CNBD1: variants seen among roughly 807,000 people sequenced by gnomAD.
CNBD1 encodes the protein cyclic nucleotide-binding domain-containing protein 1.
CNBD1 carries 71 observed loss-of-function variants against 54.4 expected under a neutral mutation model. That is an observed-to-expected ratio of 1.30 (90% CI 1.08 to 1.59). The LOEUF (loss-of-function observed/expected upper bound fraction) is 1.59, where lower values mean the gene tolerates loss of function less well. Among genes scored for constraint, CNBD1 ranks in the 40% most tolerant of loss-of-function variants. The pLI, the probability that CNBD1 is intolerant of heterozygous loss-of-function variation, is 0.00. For synonymous variants in CNBD1, 182 were observed against 170.7 expected (o/e 1.07, Z -0.51); for missense variants, 659 against 518.0 (o/e 1.27, Z -2.64).
chr8:87,312,031 C>T (rs888686526), intron 8 of CNBD1, among the ~76,000 whole-genome samples: 1 of 151,834 alleles, frequency 6.6e-6, no homozygotes, highest in Non-Finnish European at 1.5e-5. Context: ...TCAATTGTAC[C>T]CCAAACCACA....
chr8:87,283,324 T>G (rs1311947132), intron 6 of CNBD1, among the ~76,000 whole-genome samples: 1 of 152,094 alleles, frequency 6.6e-6, no homozygotes, highest in African/African-American at 2.4e-5. Context: ...TCTTTTAGGT[T>G]GTTCAATTTT....
intron 4 of CNBD1, among the ~76,000 whole-genome samples, chr8:87,106,916 A>G (rs568814928): frequency 6.7e-6 from 1 of 148,278 alleles, no homozygotes; most frequent in East Asian, 2.0e-4. Context: ...TGCAACCTCC[A>G]CCTCCCAAGT....
rs151209018 is a variant in CNBD1 at position 86,959,858 on chromosome 8, C to T, written c.431+20104C>T. On this transcript the variant is annotated intron_variant, in intron 4 of 10. Transcript: ENST00000518476. The stretch of plus-strand genomic sequence containing the variant: ...CATCTGAAGCCTTCTTCTCTCCACT[C>T]GTCAAAGTCATTCTCCATCTAGCTG... 2.4e-3 allele frequency among the ~76,000 whole-genome samples: 372 copies of T among 152,304 alleles called. 1 individual carries two copies. Among genetic ancestry groups the T allele is most frequent in the African/African-American group, 8.3e-3 (345 of 41,570 alleles).
At chr8:87,157,443 T>A (rs1248402595) in intron 4 of CNBD1, among the ~76,000 whole-genome samples, 1 of 152,216 alleles carries the variant, frequency 6.6e-6, no homozygotes, top group African/African-American at 2.4e-5. Flanking sequence ...ACAATCTTGA[T>A]CTGGTTAAGA....
chr8:87,413,768 A>G (rs916594359), intron 2 of CNBD1, among the ~76,000 whole-genome samples: 5 of 151,440 alleles, frequency 3.3e-5, no homozygotes, highest in Admixed American at 6.6e-5. Context: ...AACACATGAA[A>G]AAATGCTCAT....
At chr8:87,040,368 T>G (rs1018374881) in intron 4 of CNBD1, among the ~76,000 whole-genome samples, 3 of 152,168 alleles carry the variant, frequency 2.0e-5, no homozygotes, top group Non-Finnish European at 2.9e-5. Flanking sequence ...AATGGTGAAT[T>G]CATGTGTATT....
chr8:87,391,472 T>G (rs1171270491), intron 2 of CNBD1, among the ~76,000 whole-genome samples: 1 of 152,004 alleles, frequency 6.6e-6, no homozygotes, highest in Non-Finnish European at 1.5e-5. Flanking sequence ...GACTACAAAG[T>G]GTATGTGTAT....
chr8:86,938,075 A>G (rs1407976659), intron 3 of CNBD1, among the ~76,000 whole-genome samples: 1 of 152,172 alleles, frequency 6.6e-6, no homozygotes, highest in African/African-American at 2.4e-5. Flanking sequence ...TTCTTCTGCT[A>G]GATACTCTAA....
At chr8:87,068,005 A>C (rs1325964603) in intron 4 of CNBD1, among the ~76,000 whole-genome samples, 1 of 152,072 alleles carries the variant, frequency 6.6e-6, no homozygotes, top group Non-Finnish European at 1.5e-5. Context: ...AGGCACACTT[A>C]ATCTCCTTTA....
chr8:87,268,132 G>A (rs1192209417), intron 6 of CNBD1, among the ~76,000 whole-genome samples: 2 of 151,942 alleles, frequency 1.3e-5, no homozygotes, highest in African/African-American at 4.8e-5. Flanking sequence ...AGTCCCCAGG[G>A]TCTATCAGTC....
intron 8 of CNBD1, among the ~76,000 whole-genome samples, chr8:87,293,969 C>T (rs915028116): frequency 5.3e-5 from 8 of 152,120 alleles, no homozygotes; most frequent in African/African-American, 1.9e-4. Flanking sequence ...TAGTCTCAGG[C>T]ATTTTAAATA....
intron 4 of CNBD1, among the ~76,000 whole-genome samples, chr8:87,113,398 C>T (rs1397716324): frequency 6.6e-6 from 1 of 152,134 alleles, no homozygotes; most frequent in African/African-American, 2.4e-5. Flanking sequence ...CTGACTGTTT[C>T]CTCTACAGTA....
chr8:87,003,677 G>T (rs1055503790), intron 4 of CNBD1, among the ~76,000 whole-genome samples: 2 of 152,224 alleles, frequency 1.3e-5, no homozygotes, highest in South Asian at 2.1e-4. Context: ...GGTACTAGAG[G>T]ATATGAGAAG....
chr8:87,267,574 A>G (rs1341317312), intron 6 of CNBD1, among the ~76,000 whole-genome samples: 1 of 152,194 alleles, frequency 6.6e-6, no homozygotes. Context: ...GGTAACATGT[A>G]CAAGAATGCT....
At position 86,952,746 on chromosome 8, in the gene CNBD1, C is replaced by T. The variant is rs367687035; in HGVS notation, c.431+12992C>T. Reference sequence around the variant, plus strand: ...TAAACCATTTGTGATATAAACTGTGCGATGTGATAACTTTTGACACGTGTA... The same window carrying T: ...TAAACCATTTGTGATATAAACTGTGTGATGTGATAACTTTTGACACGTGTA... On this transcript the variant is annotated intron_variant, in intron 4 of 10. Transcript: ENST00000518476. Among the ~76,000 whole-genome samples, 27 of 152,066 alleles carry T rather than the reference C, an allele frequency of 1.8e-4. No homozygotes were observed. The South Asian group carries it at 3.3e-3, about 19-fold the overall frequency.
chr8:87,414,426 G>A (rs1807803695), intron 2 of CNBD1, among the ~76,000 whole-genome samples: 1 of 152,024 alleles, frequency 6.6e-6, no homozygotes, highest in African/African-American at 2.4e-5. Context: ...AATGCTAAAT[G>A]ACAAGTTAAT....
intron 6 of CNBD1, 142 bp from the exon 7 acceptor site, chr8:87,284,536 G>A (rs1808655373): frequency 3.7e-6 from 2 of 543,696 alleles, no homozygotes; most frequent in Admixed American, 7.6e-5. Flanking sequence ...TCGAGCAGAA[G>A]TAGTAGGAGC....
At chr8:87,224,603 T>G (rs560713037) in intron 5 of CNBD1, among the ~76,000 whole-genome samples, 4 of 151,676 alleles carry the variant, frequency 2.6e-5, no homozygotes, top group Non-Finnish European at 4.4e-5. Flanking sequence ...TTGATCTATA[T>G]CTCTGTTTAG....
intron 4 of CNBD1, among the ~76,000 whole-genome samples, chr8:87,150,022 A>G (rs1311283415): frequency 6.6e-6 from 1 of 152,056 alleles, no homozygotes; most frequent in African/African-American, 2.4e-5. Flanking sequence ...AAAAAAATAT[A>G]AAAACTTAGC....
Sources: gnomAD v4.1 joint callset for allele counts (sites outside exome capture counted in the v4.1 genomes callset) on GRCh38, gnomAD v4.1.1 for gene constraint, MANE v1.5 for transcripts, NCBI Gene and HGNC (gene_info 2026-07-23, HGNC 2026-07-21) for gene names.